FRMPD4: variants seen among roughly 807,000 people sequenced by gnomAD.
The protein encoded by FRMPD4 is FERM and PDZ domain-containing protein 4.
FRMPD4 carries 22 observed loss-of-function variants against 94.1 expected under a neutral mutation model. That is an observed-to-expected ratio of 0.23 (90% CI 0.17 to 0.33). The LOEUF is 0.33. FRMPD4 is among the 10% of genes least tolerant of loss of function. The pLI, the probability that FRMPD4 is intolerant of heterozygous loss-of-function variation, is 1.00. For synonymous variants in FRMPD4, 631 were observed against 548.6 expected (o/e 1.15, Z -2.10); for missense variants, 1,111 against 1,339.9 (o/e 0.83, Z 2.67).
rs147748045 is a variant in FRMPD4 at position 12,036,375 on chromosome X, A to G, written c.95+158357A>G. On this transcript the variant is annotated intron_variant, in intron 3 of 18. Transcript: ENST00000640291. Reference sequence around the variant, plus strand: ...GGCAGAGGCATGAGAAATAAATGCAATAACTTACATCTGGATCAGAAAAAC... The same window carrying G: ...GGCAGAGGCATGAGAAATAAATGCAGTAACTTACATCTGGATCAGAAAAAC... 2.5e-3 allele frequency among the ~76,000 whole-genome samples: 276 copies of G among 112,472 alleles called. 1 individual carries two copies. Among genetic ancestry groups the G allele is most frequent in the African/African-American group, 7.8e-3 (242 of 31,037 alleles).
intron 1 of FRMPD4, among the ~76,000 whole-genome samples, chrX:12,486,288 C>T (rs1415300637): frequency 1.8e-5 from 2 of 111,845 alleles, no homozygotes; most frequent in African/African-American, 3.3e-5. Flanking sequence ...CACCTGGGAG[C>T]CCATTAAAAA....
chrX:12,229,517 G>A (rs886780386), intron 1 of FRMPD4, among the ~76,000 whole-genome samples: 13 of 111,230 alleles, frequency 1.2e-4, no homozygotes, highest in African/African-American at 3.9e-4. Context: ...AATTCTTACC[G>A]TGTTACCCTT....
chrX:12,194,682 C>T lies in FRMPD4; in HGVS notation c.41+55670C>T, dbSNP rs185095745. Among the ~76,000 whole-genome samples the T allele has an allele frequency of 1.6e-4, 18 of 111,841 alleles. No individual in the cohort carries two copies. In the East Asian group the frequency reaches 4.5e-3, roughly 28 times the overall value. On this transcript the variant is annotated intron_variant, in intron 1 of 16. Coordinates refer to ENST00000675598, the MANE Select transcript of FRMPD4 (RefSeq NM_001368397.1). ...CATTTTTCTGATTCCATCTTGAAGACCCAGGATTTTAGAATCTGCAAAGCA... is the reference window on the plus strand; with the variant it reads ...CATTTTTCTGATTCCATCTTGAAGATCCAGGATTTTAGAATCTGCAAAGCA...
At position 12,557,428 on chromosome X, in the gene FRMPD4, G is replaced by T. The variant is rs933332739; in HGVS notation, c.159-52293G>T. ...AAGAAAGCCTGGCTTCATCAATGAA[G>T]ATTTTTCTCTACAGATGCAAATCTC... On this transcript the variant is annotated intron_variant, in intron 2 of 16. Transcript: ENST00000675598. Among the ~76,000 whole-genome samples, 19 of 112,291 alleles carry T rather than the reference G, an allele frequency of 1.7e-4. No individual in the cohort carries two copies. The East Asian group carries it at 4.8e-3, about 28-fold the overall frequency.
intron 1 of FRMPD4, among the ~76,000 whole-genome samples, chrX:12,398,542 T>C (rs140419904): frequency 0.032 from 3,582 of 111,601 alleles, 59 homozygotes; most frequent in Non-Finnish European, 0.051. Flanking sequence ...CTAAAGTTAT[T>C]ATTTTTGTGC....
intron 1 of FRMPD4, among the ~76,000 whole-genome samples, chrX:11,850,584 T>C (rs2053615385): frequency 8.9e-6 from 1 of 112,363 alleles, no homozygotes; most frequent in Admixed American, 9.4e-5. Flanking sequence ...ATAAACAAGA[T>C]ATGGTGTATA....
Position 12,717,056 on chromosome X carries a change from A to T in FRMPD4, c.2597A>T (p.Asp866Val), listed in dbSNP as rs2042102938. 1.2e-5 allele frequency: 15 copies of T among 1,208,040 alleles called. No individual in the cohort carries two copies. The highest frequency in any genetic ancestry group is 1.5e-5 in the Non-Finnish European group (13 of 892,926). ...GAAGGCAAGTGTGAGAAGGGACTGG[A>T]TAATGCCGTCGTCTCCACGCTGGGA... ...SAEGKCEKGL[D>V]NAVVSTLGAL... is the part of the protein sequence containing the mutation. Residue 866 changes from aspartate (D) to valine (V), a missense_variant, in exon 15 of 17, where the codon GAT becomes GTT. Physicochemically the swap from Asp to Val is radical, Grantham distance 152. Coordinates refer to ENST00000675598, the MANE Select transcript of FRMPD4 (RefSeq NM_001368397.1).
In FRMPD4 at chrX:12,718,019, T is replaced by A; in HGVS notation, c.3193T>A (p.Phe1065Ile). ...GATGGAGGAGGAGGCCAGTGGTAAATTTGGTACTGTGTCTTCACGAGACAG... is the reference window on the plus strand; with the variant it reads ...GATGGAGGAGGAGGCCAGTGGTAAAATTGGTACTGTGTCTTCACGAGACAG... ...AEMEEEASGKFGTVSSRDSQH... is the reference protein window; with the variant it reads ...AEMEEEASGKIGTVSSRDSQH... The change falls in exon 16 of 17, where the codon TTT becomes ATT. Residue 1065 changes from phenylalanine (F) to isoleucine (I), a missense_variant. Phe to Ile is a conservative substitution (Grantham distance 21). Transcript: ENST00000675598. 1 of 1,211,696 alleles carries A rather than the reference T, an allele frequency of 8.3e-7. No individual in the cohort carries two copies. The highest frequency in any genetic ancestry group is 1.1e-6 in the Non-Finnish European group (1 of 895,383).
chrX:12,331,759 A>G (rs866393805), intron 1 of FRMPD4, among the ~76,000 whole-genome samples: 34 of 60,058 alleles, frequency 5.7e-4, no homozygotes, highest in Non-Finnish European at 8.3e-4. Context: ...TTTATATACT[A>G]TATATAAATT....
At chrX:11,877,705 A>G (rs2053792998) in intron 2 of FRMPD4, among the ~76,000 whole-genome samples, 1 of 112,234 alleles carries the variant, frequency 8.9e-6, no homozygotes, top group South Asian at 3.7e-4. Flanking sequence ...TTGCATCCTC[A>G]AATCTCTTGG....
intron 1 of FRMPD4, among the ~76,000 whole-genome samples, chrX:12,240,887 T>A (rs2057121872): frequency 8.9e-6 from 1 of 112,274 alleles, no homozygotes; most frequent in Non-Finnish European, 1.9e-5. Flanking sequence ...ATGGGCACCT[T>A]CCAAAAGGGT....
intron 3 of FRMPD4, among the ~76,000 whole-genome samples, chrX:11,897,460 C>T (rs1173303422): frequency 8.9e-6 from 1 of 111,962 alleles, no homozygotes; most frequent in Non-Finnish European, 1.9e-5. Flanking sequence ...ATGGCTAAAA[C>T]AGAAGTGACT....
intron 2 of FRMPD4, among the ~76,000 whole-genome samples, chrX:12,581,026 G>A (rs2058859574): frequency 8.9e-6 from 1 of 112,429 alleles, no homozygotes; most frequent in African/African-American, 3.2e-5. Flanking sequence ...GCAAATAAAC[G>A]TGGACTACTG....
chrX:11,841,079 ATT>A (rs779926474), intron 1 of FRMPD4, among the ~76,000 whole-genome samples: 2 of 109,150 alleles, frequency 1.8e-5, no homozygotes, highest in Non-Finnish European at 3.8e-5. Flanking sequence ...TGAGCTCATC[ATT>A]TTTTTTATGG....
intron 1 of FRMPD4, among the ~76,000 whole-genome samples, chrX:12,232,546 A>G (rs1261736489): frequency 9.0e-6 from 1 of 110,938 alleles, no homozygotes; most frequent in African/African-American, 3.3e-5. Context: ...ACAATTCAAG[A>G]TGAGATTTGG....
chrX:11,904,222 G>C lies in FRMPD4; in HGVS notation c.95+26204G>C, dbSNP rs146731229. Among the ~76,000 whole-genome samples the C allele has an allele frequency of 4.2e-3, 472 of 111,802 alleles. 4 individuals carry two copies. Among genetic ancestry groups the C allele is most frequent in the African/African-American group, 0.015 (454 of 30,779 alleles). ...TGGACAGGTGCATATGGTCATCATC[G>C]GGTTTAAAGCATTGCTCTTTTTATT... is the stretch of plus-strand genomic sequence containing the variant. On this transcript the variant is annotated intron_variant, in intron 3 of 18. Coordinates refer to the FRMPD4 transcript ENST00000640291.
At chrX:12,420,565 A>G (rs1209568679) in intron 1 of FRMPD4, among the ~76,000 whole-genome samples, 1 of 111,685 alleles carries the variant, frequency 9.0e-6, no homozygotes, top group African/African-American at 3.3e-5. Flanking sequence ...TCTCCCCTTC[A>G]GCCCCTCACA....
intron 3 of FRMPD4, among the ~76,000 whole-genome samples, chrX:12,049,324 G>A (rs1479460782): frequency 8.9e-6 from 1 of 111,824 alleles, no homozygotes; most frequent in Admixed American, 9.5e-5. Context: ...ACTGATTTTT[G>A]TGCATTGATT....
intron 3 of FRMPD4, among the ~76,000 whole-genome samples, chrX:11,973,482 T>C (rs959222329): frequency 4.5e-5 from 5 of 111,591 alleles, no homozygotes; most frequent in Admixed American, 9.5e-5. Context: ...ATGCAAAATC[T>C]TAGCACCCCT....
Sources: gnomAD v4.1 joint callset for allele counts (sites outside exome capture counted in the v4.1 genomes callset) on GRCh38, gnomAD v4.1.1 for gene constraint, MANE v1.5 for transcripts, NCBI Gene and HGNC (gene_info 2026-07-23, HGNC 2026-07-21) for gene names.